Variants in DTWD2 observed in about 807,000 individuals in gnomAD.
DTWD2 encodes tRNA-uridine aminocarboxypropyltransferase 2.
DTWD2 carries 39 observed loss-of-function variants against 31.8 expected under a neutral mutation model. That is an observed-to-expected ratio of 1.22 (90% CI 0.95 to 1.60). The LOEUF (loss-of-function observed/expected upper bound fraction) is 1.60. Ranked by LOEUF, DTWD2 falls within the 40% of genes most tolerant of loss-of-function variation. DTWD2 has a pLI of 0.00. For missense variants in DTWD2, 515 were observed against 381.5 expected (o/e 1.35, Z -2.92); for synonymous variants, 180 against 142.8 (o/e 1.26, Z -1.86).
At chr5:118,949,279 A>T (rs1386267537) in intron 1 of DTWD2, among the ~76,000 whole-genome samples, 1 of 152,200 alleles carries the variant, frequency 6.6e-6, no homozygotes, top group Non-Finnish European at 1.5e-5. Context: ...AGTATAGCCT[A>T]GGTAAGTTGC....
At chr5:118,976,948 G>T (rs1399329462) in intron 1 of DTWD2, among the ~76,000 whole-genome samples, 1 of 152,144 alleles carries the variant, frequency 6.6e-6, no homozygotes, top group Non-Finnish European at 1.5e-5. Context: ...ATAAAATACT[G>T]GGAAACTGAA....
At chr5:118,868,201 G>A (rs1752421523) in intron 4 of DTWD2, among the ~76,000 whole-genome samples, 2 of 151,958 alleles carry the variant, frequency 1.3e-5, no homozygotes, top group South Asian at 4.2e-4. Context: ...AGAAATACGA[G>A]ATACCCACAT....
At chr5:118,950,762 G>A (rs1754446239) in intron 1 of DTWD2, among the ~76,000 whole-genome samples, 1 of 152,170 alleles carries the variant, frequency 6.6e-6, no homozygotes, top group African/African-American at 2.4e-5. Flanking sequence ...TGTGGCTGGG[G>A]TTTCTCTCAC....
chr5:118,871,766 G>A (rs181569007), intron 4 of DTWD2, among the ~76,000 whole-genome samples: 1 of 152,272 alleles, frequency 6.6e-6, no homozygotes, highest in Admixed American at 6.5e-5. Flanking sequence ...AGGTTTTTCA[G>A]AATGGTAAAT....
At chr5:118,858,296 G>C (rs943711667) in intron 4 of DTWD2, among the ~76,000 whole-genome samples, 4 of 152,068 alleles carry the variant, frequency 2.6e-5, no homozygotes, top group Non-Finnish European at 4.4e-5. Flanking sequence ...GGAATTTAAG[G>C]GTTTCAGAAA....
At chr5:118,853,429 C>T (rs966228826) in intron 4 of DTWD2, among the ~76,000 whole-genome samples, 3 of 151,988 alleles carry the variant, frequency 2.0e-5, no homozygotes, top group Non-Finnish European at 4.4e-5. Context: ...AATCATTCTA[C>T]CAAAAAGATA....
chr5:118,985,517 T>TAC (rs1260597928), intron 1 of DTWD2, among the ~76,000 whole-genome samples: 2,843 of 107,578 alleles, frequency 0.026, 113 homozygotes, highest in African/African-American at 0.084. Context: ...TATATATATA[T>TAC]ACACACACAT....
At chr5:118,917,892 G>C (rs1046319068) in intron 4 of DTWD2, among the ~76,000 whole-genome samples, 2 of 151,910 alleles carry the variant, frequency 1.3e-5, no homozygotes, top group Non-Finnish European at 2.9e-5. Context: ...TTGAACCCAG[G>C]AGGCAGACGT....
intron 1 of DTWD2, among the ~76,000 whole-genome samples, chr5:118,949,227 G>C (rs189408378): frequency 6.6e-6 from 1 of 152,254 alleles, no homozygotes; most frequent in East Asian, 1.9e-4. Flanking sequence ...ATGAGAAACG[G>C]CTTGACTGAA....
Position 118,890,446 on chromosome 5 carries a change from T to A in DTWD2, c.597+38091A>T, listed in dbSNP as rs79333899. 8.2e-3 allele frequency among the ~76,000 whole-genome samples: 1,246 copies of A among 152,118 alleles called. 14 individuals are homozygous for A. The highest frequency in any genetic ancestry group is 0.01 in the Non-Finnish European group (692 of 68,004). ...TAGACAGAATGCAATCCTAATGATG[T>A]AAATTAAAGCAATCAAACTCCTGAT... On this transcript the variant is annotated intron_variant, in intron 4 of 5. Transcript: ENST00000510708.
Position 118,925,738 on chromosome 5 carries a change from A to G in DTWD2, c.597+2799T>C, listed in dbSNP as rs372791239. Reference sequence around the variant, plus strand: ...CGGGTACCTGTAGTCCCAGCTACTCAGGAGGCTGAGGCAGGAGAATGGTGT... The same window carrying G: ...CGGGTACCTGTAGTCCCAGCTACTCGGGAGGCTGAGGCAGGAGAATGGTGT... On this transcript the variant is annotated intron_variant, in intron 4 of 5. Transcript: ENST00000510708. Among the ~76,000 whole-genome samples, 1,237 of 151,028 alleles carry G rather than the reference A, an allele frequency of 8.2e-3. 18 individuals carry two copies. The highest frequency in any genetic ancestry group is 0.029 in the African/African-American group (1,164 of 40,616).
intron 1 of DTWD2, among the ~76,000 whole-genome samples, chr5:118,959,016 G>C (rs1036386978): frequency 1.3e-5 from 2 of 152,046 alleles, no homozygotes; most frequent in African/African-American, 4.8e-5. Context: ...AAAACCAAAA[G>C]CATTCCCCTT....
rs576079978 is a variant in DTWD2, at chr5:118,919,203, T to G, written c.597+9334A>C. On this transcript the variant is annotated intron_variant, in intron 4 of 5. Transcript: ENST00000510708. ...TGCAAAATAGTGAAAGCAGATGTCA[T>G]CATCTGCTGGTGCAAGAGTTGGAAG... 2.0e-5 allele frequency among the ~76,000 whole-genome samples: 3 copies of G among 152,216 alleles called. No individual in the cohort carries two copies. In the South Asian group the frequency reaches 6.2e-4, roughly 32 times the overall value.
chr5:118,845,939 C>T (rs1305756099), intron 5 of DTWD2, among the ~76,000 whole-genome samples: 3 of 151,992 alleles, frequency 2.0e-5, no homozygotes, highest in Non-Finnish European at 4.4e-5. Flanking sequence ...TCAATAAATG[C>T]CTCGGGTTAT....
chr5:118,969,074 G>C (rs1370804300), intron 1 of DTWD2, among the ~76,000 whole-genome samples: 1 of 152,088 alleles, frequency 6.6e-6, no homozygotes, highest in Non-Finnish European at 1.5e-5. Context: ...CTCTAAGTGG[G>C]ACCCTGCTTC....
intron 1 of DTWD2, among the ~76,000 whole-genome samples, chr5:118,958,133 A>G (rs534536884): frequency 6.6e-6 from 1 of 152,122 alleles, no homozygotes; most frequent in Non-Finnish European, 1.5e-5. Context: ...TGAAACCACA[A>G]GTTGGTTATT....
At chr5:118,895,292 C>T (rs1472770895) in intron 4 of DTWD2, among the ~76,000 whole-genome samples, 2 of 152,010 alleles carry the variant, frequency 1.3e-5, no homozygotes, top group Non-Finnish European at 2.9e-5. Flanking sequence ...CCGATGAATA[C>T]ATTTCATCAA....
At chr5:118,937,465 C>T (rs550700490) in intron 3 of DTWD2, among the ~76,000 whole-genome samples, 10 of 152,040 alleles carry the variant, frequency 6.6e-5, no homozygotes, top group Non-Finnish European at 1.3e-4. Flanking sequence ...TTAGGCCTGA[C>T]GTAAGTTATC....
chr5:118,973,196 G>A (rs768442470), intron 1 of DTWD2, among the ~76,000 whole-genome samples: 8 of 151,000 alleles, frequency 5.3e-5, no homozygotes, highest in East Asian at 2.0e-4. Context: ...AATGGGTCTT[G>A]ACTCTTTATC....
Sources: allele counts gnomAD v4.1 joint callset (sites outside exome capture counted in the v4.1 genomes callset), GRCh38; gene constraint gnomAD v4.1.1; transcripts MANE v1.5; gene names NCBI Gene and HGNC (gene_info 2026-07-23, HGNC 2026-07-21).